Variants in PTMS observed in about 807,000 individuals in gnomAD.
PTMS encodes parathymosin.
A neutral mutation model predicts 18.4 loss-of-function variants in PTMS; 5 were observed. The observed-to-expected ratio is 0.27, with a 90% CI of 0.14 to 0.57. PTMS has a LOEUF of 0.57. Ranked by LOEUF, PTMS falls within the 20% of genes least tolerant of loss-of-function variation. The probability of loss-of-function intolerance (pLI) is 0.92; values close to 1 mark genes in which losing one functional copy is unlikely to be tolerated. For synonymous variants in PTMS, 53 were observed against 47.7 expected (o/e 1.11, Z -0.46); for missense variants, 93 against 124.6 (o/e 0.75, Z 1.21).
chr12:6,770,594 C>T lies in PTMS; in HGVS notation c.*152C>T, dbSNP rs887058792. 9 of 903,330 alleles carry T rather than the reference C, an allele frequency of 1.0e-5. No individual in the cohort carries two copies. Among genetic ancestry groups the T allele is most frequent in the Admixed American group, 2.3e-5 (1 of 43,332 alleles). 56.0% of individuals were successfully genotyped at this position (903,330 alleles called of 1,614,324 possible). On this transcript the variant is annotated 3_prime_UTR_variant, in exon 5 of 5. Transcript: ENST00000309083. This position sits in a 1 kb window ranked among gnomAD's most constrained non-coding sequence, Gnocchi z 7.3. ...TCTTTCTCCCCAGCCTTCTCATTTC[C>T]GCCTCTCCAGACACTGCGCCCTCCA... is the stretch of plus-strand genomic sequence containing the variant.
chr12:6,766,774 C>T, intron 1 of PTMS, 24 bp downstream of exon 1: 3 of 1,061,240 alleles, frequency 2.8e-6, no homozygotes, highest in Non-Finnish European at 3.4e-6. Context: ...CGGCGGCGGC[C>T]CGGACCTCGC....
At chr12:6,768,946 C>T in intron 1 of PTMS, 1 of 153,312 alleles carries the variant, frequency 6.5e-6, no homozygotes, top group Non-Finnish European at 1.5e-5. Context: ...TTCCACTACA[C>T]CCATGCATAC....
At chr12:6,768,069 G>C (rs943325322) in intron 1 of PTMS, among the ~76,000 whole-genome samples, 3 of 152,232 alleles carry the variant, frequency 2.0e-5, no homozygotes, top group Non-Finnish European at 4.4e-5. Context: ...GGGCTGCTTA[G>C]CAGAAGACCT....
chr12:6,766,812 C>A, intron 1 of PTMS, 62 bp downstream of exon 1: 1 of 1,008,356 alleles, frequency 9.9e-7, no homozygotes, highest in Non-Finnish European at 1.2e-6. Context: ...CGCGGTCCTT[C>A]GCCCCAGGCC....
intron 1 of PTMS, 132 bp from the exon 2 acceptor site, chr12:6,769,471 G>A (rs1034873577): frequency 7.1e-6 from 7 of 979,204 alleles, no homozygotes; most frequent in Non-Finnish European, 1.1e-5. Context: ...CCCCTATTCT[G>A]TCTCTAAGCT....
Position 6,769,677 on chromosome 12 carries a change from G to A in PTMS, c.117+3G>A, listed in dbSNP as rs779032083. ...AGCGAAAGAAAGAAGTGGTGGAGGT[G>A]TGGAGGGGTGGGGGAGAGGACCACA... is the stretch of plus-strand genomic sequence containing the variant. On this transcript the variant is annotated splice_donor_region_variant and intron_variant, in intron 2 of 4. Transcript: ENST00000309083. 19 of 1,613,926 alleles carry A rather than the reference G, an allele frequency of 1.2e-5. No individual in the cohort carries two copies. The highest frequency in any genetic ancestry group is 1.6e-5 in the Non-Finnish European group (19 of 1,179,964).
intron 1 of PTMS, among the ~76,000 whole-genome samples, chr12:6,769,337 G>C (rs757290109): frequency 5.9e-5 from 9 of 152,140 alleles, no homozygotes; most frequent in South Asian, 4.1e-4. Context: ...CTTGATGGGG[G>C]TGGGGATCAT....
chr12:6,767,259 C>A lies in PTMS; in HGVS notation c.45+509C>A, dbSNP rs113703494. On this transcript the variant is annotated intron_variant, in intron 1 of 4. Coordinates refer to ENST00000309083, the MANE Select transcript of PTMS (RefSeq NM_002824.6). Reference sequence around the variant, plus strand: ...CTCGCTTCTCTCCCCGGACGGCGGCCGCCTCTGTTTTCTCGTTCCCTCCCC... The same window carrying A: ...CTCGCTTCTCTCCCCGGACGGCGGCAGCCTCTGTTTTCTCGTTCCCTCCCC... The A allele has an allele frequency of 5.0e-3, 756 of 152,284 alleles. 2 individuals carry two copies. The highest frequency in any genetic ancestry group is 9.4e-3 in the Non-Finnish European group (640 of 68,048). 9.4% of individuals were successfully genotyped at this position (152,284 alleles called of 1,614,324 possible). A position where few individuals can be genotyped will look rare whatever the true frequency, so the allele number is the denominator to read the frequency against.
chr12:6,769,890 C>T (rs1161297903), intron 2 of PTMS, 31 bp from the exon 3 acceptor site: 2 of 1,574,144 alleles, frequency 1.3e-6, no homozygotes, highest in South Asian at 2.3e-5. Context: ...TGCAGCCAGC[C>T]TGAGGCTACT....
At chr12:6,769,146 G>A (rs192752861) in intron 1 of PTMS, 198 of 219,068 alleles carry the variant, frequency 9.0e-4, no homozygotes, top group African/African-American at 4.4e-3. Flanking sequence ...GGGATGCCCA[G>A]GAGAGAGAGT....
chr12:6,766,718 A>G lies in PTMS; in HGVS notation c.13A>G (p.Ser5Gly). The G allele has an allele frequency of 4.5e-6, 5 of 1,107,708 alleles. No homozygotes were observed. Among genetic ancestry groups the G allele is most frequent in the South Asian group, 3.1e-5 (1 of 32,426 alleles). 68.6% of individuals were successfully genotyped at this position (1,107,708 alleles called of 1,614,324 possible). A position where few individuals can be genotyped will look rare whatever the true frequency, so the allele number is the denominator to read the frequency against. Reference protein sequence around the residue: MSEKSVEAAAELSAK... With the variant: MSEKGVEAAAELSAK... ...CGGCCCCGGCACCATGTCGGAGAAA[A>G]GCGTGGAGGCAGCGGCCGAGTTGAG... Residue 5 changes from serine (S) to glycine (G), a missense_variant, in exon 1 of 5, where the codon AGC (serine) becomes GGC (glycine). Transcript: ENST00000309083.
intron 1 of PTMS, chr12:6,769,310 A>G (rs541390694): frequency 1.3e-5 from 6 of 454,370 alleles, no homozygotes; most frequent in African/African-American, 6.1e-5. Flanking sequence ...CTCTTCAGCC[A>G]GTGAGGTTTG....
chr12:6,766,748 A>C lies in PTMS; in HGVS notation c.43A>C (p.Lys15Gln), dbSNP rs1941771002. 9.2e-7 allele frequency: 1 copy of C among 1,084,038 alleles called. No homozygotes were observed. Among genetic ancestry groups the C allele is most frequent in the Admixed American group, 5.2e-5 (1 of 19,382 alleles). 67.2% of individuals were successfully genotyped at this position (1,084,038 alleles called of 1,614,324 possible). A position where few individuals can be genotyped will look rare whatever the true frequency, so the allele number is the denominator to read the frequency against. ...SVEAAAELSAKDLKEKKEKVE... is the reference protein window; with the variant it reads ...SVEAAAELSAQDLKEKKEKVE... ...GGAGGCAGCGGCCGAGTTGAGCGCC[A>C]AGGTACGGGCGGGGGCGGCGGCGGC... Residue 15 changes from lysine (K) to glutamine (Q), a missense_variant and splice_region_variant, in exon 1 of 5, where the codon AAG (lysine) becomes CAG (glutamine). Lys to Gln is a moderately conservative substitution (Grantham distance 53, BLOSUM62 1). Coordinates refer to ENST00000309083, the MANE Select transcript of PTMS (RefSeq NM_002824.6).
chr12:6,768,881 T>C (rs1480097444), intron 1 of PTMS, among the ~76,000 whole-genome samples: 1 of 152,186 alleles, frequency 6.6e-6, no homozygotes, highest in African/African-American at 2.4e-5. Flanking sequence ...CCTGCTACTC[T>C]TCCCCTCCTT....
rs529477353 is a variant in PTMS, at chr12:6,767,733, G to C, written c.45+983G>C. Among the ~76,000 whole-genome samples the C allele has an allele frequency of 1.6e-3, 240 of 152,352 alleles. 1 individual carries two copies. The highest frequency in any genetic ancestry group is 5.6e-3 in the African/African-American group (232 of 41,586). On this transcript the variant is annotated intron_variant, in intron 1 of 4. Transcript: ENST00000309083. ...GTGTGCGATCTGCCAAGGTGCGCCCGTGTGGCCCTCCGGCGGGCTGTGCGG... is the reference window on the plus strand; with the variant it reads ...GTGTGCGATCTGCCAAGGTGCGCCCCTGTGGCCCTCCGGCGGGCTGTGCGG...
At chr12:6,766,970 C>A (rs936865395) in intron 1 of PTMS, among the ~76,000 whole-genome samples, 10 of 151,804 alleles carry the variant, frequency 6.6e-5, no homozygotes, top group African/African-American at 2.4e-4. Flanking sequence ...CCACGGCGCC[C>A]GGCCTCGCCG....
chr12:6,767,603 G>GGC (rs1555110937), intron 1 of PTMS: 1 of 139,264 alleles, frequency 7.2e-6, no homozygotes, highest in African/African-American at 2.7e-5. Context: ...TATGGCGGGG[G>GGC]GGGGGGGCGC....
At chr12:6,768,624 C>A (rs1468315304) in intron 1 of PTMS, among the ~76,000 whole-genome samples, 1 of 152,220 alleles carries the variant, frequency 6.6e-6, no homozygotes, top group Non-Finnish European at 1.5e-5. Context: ...TACCGTGTTA[C>A]ACTGTGCCTG....
In PTMS at chr12:6,770,098, C is replaced by T; in HGVS notation, c.197-59C>T. On this transcript the variant is annotated intron_variant, in intron 3 of 4. Coordinates refer to ENST00000309083, the MANE Select transcript of PTMS (RefSeq NM_002824.6). The surrounding 1 kb of genome is among the most constrained non-coding windows in gnomAD (Gnocchi z 7.3). ...GACCTGAAGCAGGGCTGAGGGCGACCACGGGGGCTCTGCCAGAGCTTCCTG... is the reference window on the plus strand; with the variant it reads ...GACCTGAAGCAGGGCTGAGGGCGACTACGGGGGCTCTGCCAGAGCTTCCTG... 1 of 1,611,924 alleles carries T rather than the reference C, an allele frequency of 6.2e-7. No homozygotes were observed. The highest frequency in any genetic ancestry group is 8.5e-7 in the Non-Finnish European group (1 of 1,179,120).
Sources: gnomAD v4.1 joint callset for allele counts (sites outside exome capture counted in the v4.1 genomes callset) on GRCh38, gnomAD v4.1.1 for gene constraint, Gnocchi (gnomAD v3.1) non-coding constraint, MANE v1.5 for transcripts, NCBI Gene and HGNC (gene_info 2026-07-23, HGNC 2026-07-21) for gene names.